The following CACNA2D1 variants were observed in gnomAD, a reference collection of about 807,000 sequenced individuals.
The protein encoded by CACNA2D1 is voltage-dependent calcium channel subunit alpha-2/delta-1.
Under a neutral mutation model 171.5 loss-of-function variants are expected in CACNA2D1, and 53 were observed. The observed-to-expected ratio is 0.31, with a 90% CI of 0.25 to 0.39. The LOEUF (loss-of-function observed/expected upper bound fraction) is 0.39. Among genes scored for constraint, CACNA2D1 ranks in the 10% least tolerant of loss-of-function variants. The pLI is 1.00. For synonymous variants in CACNA2D1, 442 were observed against 443.1 expected (o/e 1.00, Z 0.03); for missense variants, 903 against 1,299.8 (o/e 0.69, Z 4.69).
intron 3 of CACNA2D1, among the ~76,000 whole-genome samples, chr7:82,289,919 A>ACTGC (rs1463119977): frequency 6.6e-6 from 1 of 152,082 alleles, no homozygotes; most frequent in East Asian, 1.9e-4. Context: ...CACTGAAAAG[A>ACTGC]CTGCCTCATC....
intron 5 of CACNA2D1, among the ~76,000 whole-genome samples, chr7:82,122,442 G>T (rs897636018): frequency 6.3e-4 from 96 of 152,268 alleles, no homozygotes; most frequent in African/African-American, 2.1e-3. Context: ...AATTTAGTTT[G>T]CATGAATGCC....
At chr7:82,127,524 A>G (rs1308789387) in intron 5 of CACNA2D1, among the ~76,000 whole-genome samples, 4 of 152,196 alleles carry the variant, frequency 2.6e-5, no homozygotes, top group African/African-American at 9.6e-5. Context: ...TTCTACCTCA[A>G]ATCACTAAAA....
At chr7:82,047,672 T>C (rs1450780513) in intron 10 of CACNA2D1, among the ~76,000 whole-genome samples, 1 of 152,164 alleles carries the variant, frequency 6.6e-6, no homozygotes, top group Non-Finnish European at 1.5e-5. Context: ...ACTACGTGCC[T>C]TGAACTACTC....
chr7:82,138,426 G>GTTTTTTTTTTTTTTTTTTTTTTTTTTT (rs1159205363), intron 4 of CACNA2D1, among the ~76,000 whole-genome samples: 1 of 101,314 alleles, frequency 9.9e-6, no homozygotes. Flanking sequence ...TATAGCATTA[G>GTTTTTTTTTTTTTTTTTTTTTTTTTTT]TTTTGTTTTT....
intron 3 of CACNA2D1, among the ~76,000 whole-genome samples, chr7:82,322,104 T>C (rs168805): frequency 0.64 from 74,772 of 117,592 alleles, 23,733 homozygotes; most frequent in East Asian, 0.81. Context: ...CCAGCCTGGG[T>C]GACAGAGCGA....
At chr7:81,963,601 A>G (rs1794391352) in intron 34 of CACNA2D1, among the ~76,000 whole-genome samples, 1 of 151,998 alleles carries the variant, frequency 6.6e-6, no homozygotes, top group Non-Finnish European at 1.5e-5. Flanking sequence ...TGATGCCCCT[A>G]AAACAATACT....
At chr7:82,397,248 A>T (rs1429787860) in intron 1 of CACNA2D1, among the ~76,000 whole-genome samples, 3 of 152,150 alleles carry the variant, frequency 2.0e-5, no homozygotes, top group African/African-American at 7.2e-5. Flanking sequence ...AACCTGTATC[A>T]TTGTATTTGT....
intron 1 of CACNA2D1, among the ~76,000 whole-genome samples, chr7:82,350,157 T>A (rs1208691206): frequency 6.6e-6 from 1 of 152,200 alleles, no homozygotes; most frequent in African/African-American, 2.4e-5. Context: ...AAAATGCATA[T>A]CTCTTTTAGC....
At chr7:82,406,695 T>C (rs1827091332) in intron 1 of CACNA2D1, among the ~76,000 whole-genome samples, 1 of 152,224 alleles carries the variant, frequency 6.6e-6, no homozygotes. Context: ...TGTCTTCTTT[T>C]GAGAAGTGTC....
At chr7:82,153,271 G>A (rs1794036303) in intron 4 of CACNA2D1, among the ~76,000 whole-genome samples, 1 of 151,772 alleles carries the variant, frequency 6.6e-6, no homozygotes, top group Non-Finnish European at 1.5e-5. Flanking sequence ...GCTCTCTCAG[G>A]AATTAATGAA....
chr7:82,120,778 G>A (rs546845344), intron 5 of CACNA2D1, among the ~76,000 whole-genome samples: 27 of 151,218 alleles, frequency 1.8e-4, no homozygotes, highest in Non-Finnish European at 3.4e-4. Flanking sequence ...GGGAGGCTGA[G>A]GCAGGAGAAT....
chr7:82,275,355 A>T (rs574698216), intron 3 of CACNA2D1, among the ~76,000 whole-genome samples: 30 of 152,246 alleles, frequency 2.0e-4, no homozygotes, highest in African/African-American at 6.3e-4. Context: ...ATTCAGATCC[A>T]TCTCAGAGCA....
intron 3 of CACNA2D1, among the ~76,000 whole-genome samples, chr7:82,300,475 A>G (rs144347071): frequency 4.9e-4 from 75 of 152,316 alleles, no homozygotes; most frequent in African/African-American, 1.6e-3. Flanking sequence ...AGTAAAAGCC[A>G]TGAGTAATTC....
chr7:82,209,086 A>C (rs1466489561), intron 3 of CACNA2D1, among the ~76,000 whole-genome samples: 1 of 151,612 alleles, frequency 6.6e-6, no homozygotes, highest in East Asian at 1.9e-4. Context: ...ATTCATACAC[A>C]TTCCAATTCA....
intron 23 of CACNA2D1, 147 bp downstream of exon 23, chr7:81,983,166 AT>A (rs1328317783): frequency 7.3e-6 from 5 of 688,640 alleles, no homozygotes; most frequent in South Asian, 1.8e-5. Context: ...TCTTTCTACC[AT>A]TTTTTTGCTG....
At chr7:82,117,251 A>T in intron 5 of CACNA2D1, 78 bp from the exon 6 acceptor site, 1 of 1,369,824 alleles carries the variant, frequency 7.3e-7, no homozygotes, top group Admixed American at 1.8e-5. Flanking sequence ...TTTACTTGCC[A>T]AATGCATATT....
intron 4 of CACNA2D1, among the ~76,000 whole-genome samples, chr7:82,144,520 T>A (rs1434781444): frequency 6.6e-6 from 1 of 152,050 alleles, no homozygotes; most frequent in Non-Finnish European, 1.5e-5. Flanking sequence ...GAATAAAAAC[T>A]CAGATGTGTT....
At chr7:81,963,396 A>G (rs920174965) in intron 34 of CACNA2D1, among the ~76,000 whole-genome samples, 3 of 151,938 alleles carry the variant, frequency 2.0e-5, no homozygotes, top group Non-Finnish European at 4.4e-5. Flanking sequence ...GAGGGAGATC[A>G]TGGATTCCAG....
chr7:82,010,063 T>C (rs1799593694), intron 15 of CACNA2D1, among the ~76,000 whole-genome samples: 1 of 151,950 alleles, frequency 6.6e-6, no homozygotes, highest in African/African-American at 2.4e-5. Context: ...TCACCACCAA[T>C]TGCAAAAATC....
Sources: allele counts gnomAD v4.1 joint callset (sites outside exome capture counted in the v4.1 genomes callset), GRCh38; gene constraint gnomAD v4.1.1; transcripts MANE v1.5; gene names NCBI Gene and HGNC (gene_info 2026-07-23, HGNC 2026-07-21).